The following RIPK2 variants were observed in gnomAD, a reference collection of about 807,000 sequenced individuals.
The protein encoded by RIPK2 is receptor interacting serine/threonine kinase 2.
RIPK2 carries 38 observed loss-of-function variants against 60.9 expected under a neutral mutation model. That is an observed-to-expected ratio of 0.62 (90% CI 0.48 to 0.82). The LOEUF is 0.82. Among genes scored for constraint, RIPK2 ranks in the 40% least tolerant of loss-of-function variants. The pLI is 0.00. For synonymous variants in RIPK2, 225 were observed against 223.4 expected (o/e 1.01, Z -0.06); for missense variants, 518 against 647.0 (o/e 0.80, Z 2.16).
At chr8:89,785,780 T>TA (rs1408111752) in intron 8 of RIPK2, among the ~76,000 whole-genome samples, 1 of 152,210 alleles carries the variant, frequency 6.6e-6, no homozygotes, top group Non-Finnish European at 1.5e-5. Flanking sequence ...TATTTTTAGA[T>TA]AGACAGTGCG....
chr8:89,778,413 T>G (rs1222093420), intron 6 of RIPK2, among the ~76,000 whole-genome samples: 1 of 152,292 alleles, frequency 6.6e-6, no homozygotes, highest in East Asian at 1.9e-4. Context: ...TAATCCAATT[T>G]TCAAGTATTT....
At chr8:89,779,612 G>C (rs2130574260) in intron 6 of RIPK2, among the ~76,000 whole-genome samples, 1 of 152,160 alleles carries the variant, frequency 6.6e-6, no homozygotes, top group East Asian at 1.9e-4. Flanking sequence ...GAGCCACCAT[G>C]CCTGGCCCAA....
rs551729373 is a variant in RIPK2, at chr8:89,780,208, A to G, written c.939+48A>G. The G allele has an allele frequency of 4.4e-5, 40 of 918,954 alleles. No individual in the cohort carries two copies. In the Admixed American group the frequency reaches 5.9e-4, roughly 14 times the overall value. 56.9% of individuals were successfully genotyped at this position (918,954 alleles called of 1,614,324 possible). ...GGAAATTAGAAATTTAAACAACTAT[A>G]TAATATTCATGGAGATTTTTAGTTA... On this transcript the variant is annotated intron_variant, in intron 7 of 10. Transcript: ENST00000220751.
intron 1 of RIPK2, among the ~76,000 whole-genome samples, chr8:89,760,346 G>A (rs997437943): frequency 4.6e-5 from 7 of 152,054 alleles, no homozygotes; most frequent in Non-Finnish European, 8.8e-5. Context: ...CACCCCTTAT[G>A]AGTAATGAGT....
intron 4 of RIPK2, among the ~76,000 whole-genome samples, chr8:89,771,219 T>A (rs991388063): frequency 6.6e-6 from 1 of 151,908 alleles, no homozygotes; most frequent in African/African-American, 2.4e-5. Context: ...TTTGAATGCA[T>A]GGTTAATGTT....
At chr8:89,759,191 GT>G in intron 1 of RIPK2, 1 of 403,812 alleles carries the variant, frequency 2.5e-6, no homozygotes. Context: ...TCACTTATTG[GT>G]TTGTACAGGT....
At chr8:89,773,124 A>T (rs775397906) in intron 6 of RIPK2, among the ~76,000 whole-genome samples, 1 of 152,186 alleles carries the variant, frequency 6.6e-6, no homozygotes, top group African/African-American at 2.4e-5. Context: ...CCCTGGGAAC[A>T]GAGTAGTAAA....
In RIPK2 at chr8:89,769,833, A is replaced by C. The variant is rs763428915; in HGVS notation, c.545A>C (p.Lys182Thr). The change falls in exon 4 of 11, where the codon AAA becomes ACA. Residue 182 changes from lysine (K) to threonine (T), a missense_variant. This residue lies in a region of RIPK2 where 448 missense variants were observed against 534.7 expected (regional missense o/e 0.84). Transcript: ENST00000220751. ...TCCCTCTCACAGTCACGAAGTAGCAAATCTGCACCAGAAGGAGGGACAATT... is the reference window on the plus strand; with the variant it reads ...TCCCTCTCACAGTCACGAAGTAGCACATCTGCACCAGAAGGAGGGACAATT... ...MMSLSQSRSS[K>T]SAPEGGTIIY... The C allele has an allele frequency of 3.1e-6, 5 of 1,609,610 alleles. No individual in the cohort carries two copies. Among genetic ancestry groups the C allele is most frequent in the Non-Finnish European group, 4.2e-6 (5 of 1,177,506 alleles).
intron 2 of RIPK2, 108 bp from the exon 3 acceptor site, chr8:89,765,233 A>T (rs1809207542): frequency 2.8e-6 from 2 of 708,898 alleles, no homozygotes; most frequent in Non-Finnish European, 4.6e-6. Flanking sequence ...CATATGTTTT[A>T]ACCTTAGTTT....
intron 6 of RIPK2, among the ~76,000 whole-genome samples, chr8:89,774,304 A>T (rs1586125575): frequency 6.6e-6 from 1 of 152,224 alleles, no homozygotes; most frequent in Admixed American, 6.5e-5. Flanking sequence ...GATGCTTAAT[A>T]TTATTAGTCA....
At chr8:89,763,222 T>C (rs2130544919) in intron 2 of RIPK2, among the ~76,000 whole-genome samples, 1 of 152,300 alleles carries the variant, frequency 6.6e-6, no homozygotes, top group Non-Finnish European at 1.5e-5. Context: ...CTAACATTTA[T>C]ACCAAATTAT....
intron 3 of RIPK2, among the ~76,000 whole-genome samples, chr8:89,767,289 C>T (rs1200196476): frequency 1.3e-5 from 2 of 151,550 alleles, no homozygotes; most frequent in Admixed American, 1.3e-4. Context: ...ATGTAACTCA[C>T]CATATTTTTA....
At chr8:89,769,113 A>G (rs1292845575) in intron 3 of RIPK2, among the ~76,000 whole-genome samples, 1 of 151,916 alleles carries the variant, frequency 6.6e-6, no homozygotes, top group Non-Finnish European at 1.5e-5. Context: ...AACTGAAGCA[A>G]AACTGTACAG....
chr8:89,761,247 G>A (rs1201250516), intron 1 of RIPK2, among the ~76,000 whole-genome samples: 2 of 152,132 alleles, frequency 1.3e-5, no homozygotes, highest in African/African-American at 2.4e-5. Flanking sequence ...CTTGGGAGGT[G>A]TAAGAACTAA....
Position 89,772,753 on chromosome 8 carries a change from C to T in RIPK2, c.778C>T (p.Pro260Ser), listed in dbSNP as rs375657882. Residue 260 changes from proline to serine, a missense_variant, in exon 6 of 11, where the codon CCT becomes TCT. Transcript: ENST00000220751. ...INEESLPYDIPHRARMISLIE... is the reference protein window; with the variant it reads ...INEESLPYDISHRARMISLIE... Reference sequence around the variant, plus strand: ...TGAAGAAAGTTTGCCATATGATATACCTCACCGAGCACGTATGATCTCTCT... The same window carrying T: ...TGAAGAAAGTTTGCCATATGATATATCTCACCGAGCACGTATGATCTCTCT... The T allele has an allele frequency of 1.2e-6, 2 of 1,611,494 alleles. No individual in the cohort carries two copies. Among genetic ancestry groups the T allele is most frequent in the South Asian group, 1.1e-5 (1 of 91,004 alleles).
At chr8:89,763,084 G>C in intron 2 of RIPK2, 102 bp downstream of exon 2, 3 of 715,782 alleles carry the variant, frequency 4.2e-6, no homozygotes, top group Non-Finnish European at 6.1e-6. Flanking sequence ...GGGGTATATA[G>C]ATGAATCAAA....
chr8:89,786,711 T>C, intron 9 of RIPK2, 25 bp downstream of exon 9: 1 of 1,303,268 alleles, frequency 7.7e-7, no homozygotes, highest in Non-Finnish European at 1.1e-6. Context: ...CAATCATTAT[T>C]TACTTGCAAG....
intron 7 of RIPK2, among the ~76,000 whole-genome samples, chr8:89,783,694 A>T (rs1586132615): frequency 6.6e-6 from 1 of 152,190 alleles, no homozygotes; most frequent in Admixed American, 6.5e-5. Flanking sequence ...TCACACTCCC[A>T]AAAATTCCCA....
chr8:89,763,011 A>G (rs201313448), intron 2 of RIPK2, 29 bp downstream of exon 2: 191 of 1,330,388 alleles, frequency 1.4e-4, no homozygotes, highest in Admixed American at 3.4e-4. Flanking sequence ...TAGTGGCCAT[A>G]ATTGCCATTT....
Sources: allele counts gnomAD v4.1 joint callset (sites outside exome capture counted in the v4.1 genomes callset), GRCh38; gene constraint gnomAD v4.1.1; regional missense constraint gnomAD v4.1.1; transcripts MANE v1.5; gene names NCBI Gene and HGNC (gene_info 2026-07-23, HGNC 2026-07-21).